The following CDKL4 variants were observed in gnomAD, a reference collection of about 807,000 sequenced individuals.
The protein encoded by CDKL4 is cyclin dependent kinase like 4.
Under a neutral mutation model 42.0 loss-of-function variants are expected in CDKL4, and 44 were observed. The ratio of observed to expected loss-of-function variants is 1.05; its 90% CI spans 0.82 to 1.35. The LOEUF (loss-of-function observed/expected upper bound fraction) is 1.35. Among genes scored for constraint, CDKL4 ranks in the 40% most tolerant of loss-of-function variants. CDKL4 has a pLI of 0.00. For synonymous variants in CDKL4, 120 were observed against 121.6 expected (o/e 0.99, Z 0.09); for missense variants, 393 against 369.9 (o/e 1.06, Z -0.51).
At chr2:39,212,613 G>GT (rs1290674526) in intron 4 of CDKL4, among the ~76,000 whole-genome samples, 1 of 151,072 alleles carries the variant, frequency 6.6e-6, no homozygotes, top group Non-Finnish European at 1.5e-5. Flanking sequence ...AAAAATAATA[G>GT]TTAAAAAAAA....
At chr2:39,209,876 A>AT (rs1005131388) in intron 4 of CDKL4, among the ~76,000 whole-genome samples, 1 of 152,162 alleles carries the variant, frequency 6.6e-6, no homozygotes, top group Non-Finnish European at 1.5e-5. Context: ...TATGGCTTAG[A>AT]TTTTTTTCTT....
chr2:39,245,706 A>G (rs1679886824), upstream of CDKL4, among the ~76,000 whole-genome samples: 1 of 152,222 alleles, frequency 6.6e-6, no homozygotes, highest in African/African-American at 2.4e-5. Flanking sequence ...ACTGTTGAAT[A>G]TTGATTAGTT....
chr2:39,240,401 C>A (rs868605926), intron 1 of CDKL4, among the ~76,000 whole-genome samples: 15 of 130,060 alleles, frequency 1.2e-4, no homozygotes, highest in African/African-American at 3.2e-4. Context: ...GACTAGGGGA[C>A]AAGAGCGAGA....
At chr2:39,216,254 G>C (rs1572999000) in intron 3 of CDKL4, among the ~76,000 whole-genome samples, 1 of 152,242 alleles carries the variant, frequency 6.6e-6, no homozygotes, top group Non-Finnish European at 1.5e-5. Context: ...GATTAGATAA[G>C]GCCAGTCGAT....
intron 5 of CDKL4, among the ~76,000 whole-genome samples, chr2:39,203,813 T>C (rs1034263115): frequency 3.3e-5 from 5 of 152,204 alleles, no homozygotes; most frequent in Non-Finnish European, 5.9e-5. Flanking sequence ...TAGGATCCTA[T>C]TATCTTTACC....
exon 5 of CDKL4, chr2:39,204,609 G>C: frequency 2.0e-6 from 3 of 1,471,244 alleles, no homozygotes; most frequent in Non-Finnish European, 2.9e-6. Flanking sequence ...TTATATCTCT[G>C]TGAATACACT....
In CDKL4 at chr2:39,225,883, G is replaced by T; in HGVS notation, c.246C>A (p.Tyr82Ter). The change falls in exon 3 of 10, where the codon TAC becomes TAA. Residue 82 changes from tyrosine (Y) to a stop codon, truncating the protein, a stop_gained. Coordinates refer to ENST00000451199, the Ensembl canonical transcript of CDKL4. LOFTEE classifies it high-confidence loss of function. ...GCTCATTTAAAAGTGTATGATCACA[G>T]TATTCAAAAACTAAATGCATTTTCC... 2 of 1,611,536 alleles carry T rather than the reference G, an allele frequency of 1.2e-6. No homozygotes were observed. The highest frequency in any genetic ancestry group is 1.7e-6 in the Non-Finnish European group (2 of 1,178,850).
At chr2:39,219,171 T>G (rs1456901735) in intron 3 of CDKL4, among the ~76,000 whole-genome samples, 1 of 152,196 alleles carries the variant, frequency 6.6e-6, no homozygotes, top group African/African-American at 2.4e-5. Flanking sequence ...CCCAGAAATT[T>G]TATAAACTAA....
chr2:39,198,928 TAGAG>T (rs1431072549), intron 5 of CDKL4, among the ~76,000 whole-genome samples: 1 of 151,134 alleles, frequency 6.6e-6, no homozygotes, highest in Non-Finnish European at 1.5e-5. Flanking sequence ...TTCAAGGAGC[TAGAG>T]AAAGAGGAAA....
intron 5 of CDKL4, among the ~76,000 whole-genome samples, chr2:39,200,747 C>G (rs1300414877): frequency 1.3e-5 from 2 of 152,078 alleles, no homozygotes; most frequent in East Asian, 3.9e-4. Flanking sequence ...GAATGGACAC[C>G]TTATTAAACA....
intron 1 of CDKL4, among the ~76,000 whole-genome samples, chr2:39,240,581 A>G: frequency 6.6e-6 from 1 of 151,934 alleles, no homozygotes; most frequent in Non-Finnish European, 1.5e-5. Flanking sequence ...AATGTTCATC[A>G]ACTGATGAAT....
intron 3 of CDKL4, among the ~76,000 whole-genome samples, chr2:39,218,215 T>C (rs1240678281): frequency 6.6e-6 from 1 of 151,766 alleles, no homozygotes; most frequent in African/African-American, 2.4e-5. Context: ...TAAAACATTA[T>C]TTCTGCCAGG....
At chr2:39,229,333 T>C (rs1431532142) in intron 2 of CDKL4, 32 bp downstream of exon 2, 2 of 1,422,984 alleles carry the variant, frequency 1.4e-6, no homozygotes, top group South Asian at 2.7e-5. Flanking sequence ...CTCAATTCCA[T>C]GATATTTTAC....
chr2:39,176,037 T>C (rs1338368990), exon 10 of CDKL4: 1 of 470,956 alleles, frequency 2.1e-6, no homozygotes, highest in Admixed American at 2.4e-5. Flanking sequence ...GGAGGACTTG[T>C]TTTCTTCCAT....
intron 1 of CDKL4, among the ~76,000 whole-genome samples, chr2:39,230,983 G>C (rs185131166): frequency 1.3e-5 from 2 of 152,158 alleles, no homozygotes; most frequent in African/African-American, 4.8e-5. Flanking sequence ...GTCGAGGCAG[G>C]TGGATCACCT....
At chr2:39,201,097 C>G (rs889737060) in intron 5 of CDKL4, among the ~76,000 whole-genome samples, 2 of 151,974 alleles carry the variant, frequency 1.3e-5, no homozygotes, top group African/African-American at 4.8e-5. Flanking sequence ...CCAGAATCTA[C>G]AAGCAACTCA....
At chr2:39,232,356 G>A (rs2148398568) in intron 1 of CDKL4, among the ~76,000 whole-genome samples, 1 of 152,216 alleles carries the variant, frequency 6.6e-6, no homozygotes, top group South Asian at 2.1e-4. Flanking sequence ...TCTAATTCCA[G>A]CTTACTAGGA....
At chr2:39,175,589 T>A (rs183946299), downstream of CDKL4, 1 of 163,874 alleles carries the variant, frequency 6.1e-6, no homozygotes, top group African/African-American at 2.4e-5. Flanking sequence ...CAGGAACATA[T>A]GTCATTTCTT....
downstream of CDKL4, among the ~76,000 whole-genome samples, chr2:39,172,189 G>A (rs184203842): frequency 2.0e-5 from 3 of 152,160 alleles, no homozygotes; most frequent in Admixed American, 6.5e-5. Context: ...GCACACACCT[G>A]TAATCCCAGC....
Sources: allele counts gnomAD v4.1 joint callset (sites outside exome capture counted in the v4.1 genomes callset), GRCh38; gene constraint gnomAD v4.1.1; transcripts MANE v1.5; gene names NCBI Gene and HGNC (gene_info 2026-07-23, HGNC 2026-07-21).